The following SPTBN1 variants were observed in gnomAD, a reference collection of about 807,000 sequenced individuals.
SPTBN1 encodes spectrin beta chain, non-erythrocytic 1.
A neutral mutation model predicts 266.4 loss-of-function variants in SPTBN1; 32 were observed. The observed-to-expected ratio is 0.12, with a 90% CI of 0.09 to 0.16. SPTBN1 has a LOEUF of 0.16. Ranked by LOEUF, SPTBN1 falls within the 10% of genes least tolerant of loss-of-function variation. SPTBN1 has a pLI of 1.00. For synonymous variants in SPTBN1, 1,336 were observed against 1,162.2 expected (o/e 1.15, Z -3.04); for missense variants, 2,296 against 3,067.1 (o/e 0.75, Z 5.94).
intron 1 of SPTBN1, among the ~76,000 whole-genome samples, chr2:54,471,534 G>C (rs1693918768): frequency 6.6e-6 from 1 of 151,290 alleles, no homozygotes; most frequent in Non-Finnish European, 1.5e-5. Context: ...ATAAATGGCA[G>C]GTTGGTTGTG....
chr2:54,646,141 A>G lies in SPTBN1; in HGVS notation c.4585-53A>G. Reference sequence around the variant, plus strand: ...CTGGCCCTAACAGCTTGACATAAGCAGCAGACGGCTGCCATTTAGCAAGCC... The same window carrying G: ...CTGGCCCTAACAGCTTGACATAAGCGGCAGACGGCTGCCATTTAGCAAGCC... On this transcript the variant is annotated intron_variant, in intron 22 of 35. Transcript: ENST00000356805. The surrounding 1 kb of genome is among the most constrained non-coding windows in gnomAD (Gnocchi z 4.4). 5 of 1,593,302 alleles carry G rather than the reference A, an allele frequency of 3.1e-6. No homozygotes were observed. The highest frequency in any genetic ancestry group is 1.1e-5 in the South Asian group (1 of 88,154).
chr2:54,603,974 C>G (rs1187176673), intron 3 of SPTBN1, among the ~76,000 whole-genome samples: 1 of 152,210 alleles, frequency 6.6e-6, no homozygotes, highest in Admixed American at 6.5e-5. Flanking sequence ...CTGCAACACC[C>G]TGTAGATTGT....
chr2:54,622,277 A>G lies in SPTBN1; in HGVS notation c.877-23A>G, dbSNP rs371472710. The G allele has an allele frequency of 3.2e-5, 52 of 1,610,960 alleles. No homozygotes were observed. The Middle Eastern group carries it at 5.0e-4, about 15-fold the overall frequency. On this transcript the variant is annotated intron_variant, in intron 8 of 35. Coordinates refer to ENST00000356805, the MANE Select transcript of SPTBN1 (RefSeq NM_003128.3). ...CTTATGGAGTGACATGATCTTTTCA[A>G]TTTTTCTATCCCTTGTTGCCAGGTG...
intron 2 of SPTBN1, among the ~76,000 whole-genome samples, chr2:54,537,883 C>G (rs555696440): frequency 2.0e-5 from 3 of 152,232 alleles, no homozygotes; most frequent in Admixed American, 2.0e-4. Flanking sequence ...TGTAATTTAC[C>G]AGGCTTTACT....
At chr2:54,591,350 T>C (rs1000766249) in intron 2 of SPTBN1, among the ~76,000 whole-genome samples, 1 of 152,116 alleles carries the variant, frequency 6.6e-6, no homozygotes, top group Non-Finnish European at 1.5e-5. Context: ...GTAATTCCTT[T>C]CTTTCTTACT....
intron 1 of SPTBN1, among the ~76,000 whole-genome samples, chr2:54,467,575 G>A (rs995860654): frequency 2.6e-5 from 4 of 151,976 alleles, no homozygotes; most frequent in African/African-American, 2.4e-5. Flanking sequence ...TAGTAGAGAC[G>A]GGTTTCACCA....
At chr2:54,603,255 A>C (rs1326748934) in intron 3 of SPTBN1, among the ~76,000 whole-genome samples, 2 of 139,348 alleles carry the variant, frequency 1.4e-5, no homozygotes, top group African/African-American at 4.9e-5. Flanking sequence ...GTTTGGACTA[A>C]GTGAAGAGAG....
chr2:54,630,435 T>G (rs1678653626), intron 15 of SPTBN1, among the ~76,000 whole-genome samples: 1 of 152,236 alleles, frequency 6.6e-6, no homozygotes, highest in Non-Finnish European at 1.5e-5. Flanking sequence ...GTTCCAGTCT[T>G]ATCTTTCTGT....
intron 2 of SPTBN1, among the ~76,000 whole-genome samples, chr2:54,538,861 G>A (rs778917655): frequency 2.6e-5 from 4 of 152,130 alleles, no homozygotes; most frequent in Admixed American, 6.5e-5. Context: ...GACTGAAGTC[G>A]GAGATGCCGG....
intron 2 of SPTBN1, among the ~76,000 whole-genome samples, chr2:54,576,912 G>T (rs1167240630): frequency 1.3e-5 from 2 of 152,186 alleles, no homozygotes; most frequent in African/African-American, 4.8e-5. Flanking sequence ...TGGAGGAATT[G>T]ACATTGATTG....
rs182822261 is a variant in SPTBN1, at chr2:54,471,242, A to G, written c.-48+14724A>G. Among the ~76,000 whole-genome samples, 19 of 152,278 alleles carry G rather than the reference A, an allele frequency of 1.2e-4. No individual in the cohort carries two copies. The East Asian group carries it at 3.5e-3, about 28-fold the overall frequency. On this transcript the variant is annotated intron_variant, in intron 1 of 35. Transcript: ENST00000356805. ...CTACGAAAACAAACAAAAAGAACAG[A>G]ATGTAGGCAGTGGTGGCATGAGTAA... is the stretch of plus-strand genomic sequence containing the variant.
intron 2 of SPTBN1, chr2:54,529,575 T>A: frequency 1.4e-6 from 1 of 717,284 alleles, no homozygotes; most frequent in Non-Finnish European, 2.6e-6. Flanking sequence ...TATGCTATCA[T>A]CAAGTTTCCT....
chr2:54,457,463 T>G (rs937227673), intron 1 of SPTBN1, among the ~76,000 whole-genome samples: 13 of 152,156 alleles, frequency 8.5e-5, no homozygotes, highest in Non-Finnish European at 1.3e-4. Context: ...TCCATTATTT[T>G]TCCAATCGAA....
At chr2:54,517,539 G>C (rs1273559087) in intron 1 of SPTBN1, among the ~76,000 whole-genome samples, 2 of 152,028 alleles carry the variant, frequency 1.3e-5, no homozygotes, top group Non-Finnish European at 2.9e-5. Context: ...TTATTAACAA[G>C]AGTTTAGTAA....
intron 2 of SPTBN1, chr2:54,557,605 G>T: frequency 5.4e-6 from 3 of 554,676 alleles, no homozygotes; most frequent in Non-Finnish European, 6.9e-6. Context: ...GGGTAGTTTC[G>T]GTTCCCTCAT....
intron 2 of SPTBN1, among the ~76,000 whole-genome samples, chr2:54,573,675 ACTACTAGGAGACATG>A (rs1674249142): frequency 6.6e-6 from 1 of 152,166 alleles, no homozygotes; most frequent in African/African-American, 2.4e-5. Context: ...CTCCTTTTGG[ACTACTAGGAGACATG>A]GTCATTAGAA....
chr2:54,655,183 C>G lies in SPTBN1; in HGVS notation c.5936C>G (p.Ala1979Gly). The G allele has an allele frequency of 6.2e-7, 1 of 1,614,048 alleles. No homozygotes were observed. The highest frequency in any genetic ancestry group is 2.2e-5 in the East Asian group (1 of 44,884). The change falls in exon 28 of 36, where the codon GCG becomes GGG. Residue 1979 changes from alanine (A) to glycine (G), a missense_variant. Transcript: ENST00000356805. ...ATTGAACTTGGGAAATCCCTGTTGG[C>G]GAGAAAACACTATGCATCTGAGGAG... ...TCIELGKSLL[A>G]RKHYASEEIK...
chr2:54,495,679 T>TTTTTTTGTTTTTTTTTTTTATTATACTC (rs1279259203), intron 1 of SPTBN1, among the ~76,000 whole-genome samples: 2 of 142,990 alleles, frequency 1.4e-5, no homozygotes, highest in South Asian at 2.2e-4. Context: ...GCATGTGTTT[T>TTTTTTTGTTTTTTTTTTTTATTATACTC]TACCTTTATT....
intron 1 of SPTBN1, among the ~76,000 whole-genome samples, chr2:54,472,956 A>G (rs1447260534): frequency 1.3e-5 from 2 of 152,196 alleles, no homozygotes; most frequent in East Asian, 1.9e-4. Flanking sequence ...TTCCTAAAAG[A>G]TGATATTAAC....
Sources: allele counts gnomAD v4.1 joint callset (sites outside exome capture counted in the v4.1 genomes callset), GRCh38; gene constraint gnomAD v4.1.1; non-coding constraint Gnocchi (gnomAD v3.1); transcripts MANE v1.5; gene names NCBI Gene and HGNC (gene_info 2026-07-23, HGNC 2026-07-21).